TOE1: variants seen among roughly 807,000 people sequenced by gnomAD.
TOE1 encodes the protein target of EGR1 protein 1.
A neutral mutation model predicts 49.2 loss-of-function variants in TOE1; 50 were observed. The observed-to-expected ratio is 1.02, with a 90% confidence interval of 0.81 to 1.29. The LOEUF (loss-of-function observed/expected upper bound fraction) is 1.29, where lower values mean the gene tolerates loss of function less well. TOE1 is among the 50% of genes most tolerant of loss of function. TOE1 has a pLI of 0.00. For synonymous variants in TOE1, 221 were observed against 247.0 expected, an observed-to-expected ratio of 0.89 and a Z score of 0.99; for missense variants, 544 against 654.4, an observed-to-expected ratio of 0.83 and a Z score of 1.84.
intron 4 of TOE1, 47 bp downstream of exon 4, chr1:45,341,616 G>T (rs760787164): frequency 6.5e-7 from 1 of 1,538,384 alleles, no homozygotes; most frequent in East Asian, 2.3e-5. Context: ...GTGGGGTGGA[G>T]GGTAGAGAGA....
Position 45,340,622 on chromosome 1 carries a change from G to A in TOE1, c.52+318G>A, listed in dbSNP as rs552082070. 5.0e-5 allele frequency: 66 copies of A among 1,307,156 alleles called. 1 individual carries two copies. In the African/African-American group the frequency reaches 8.4e-4, roughly 17 times the overall value. The allele number at this position is 1,307,156 out of a possible 1,614,324, so 81.0% of individuals were successfully genotyped here. ...CAAAGGAAGGTAGGACGTATTGGGA[G>A]CTCTGGTGTGGGGCACTGCCAGGCT... On this transcript the variant is annotated intron_variant, in intron 1 of 7. Transcript: ENST00000372090.
intron 4 of TOE1, 122 bp downstream of exon 4, chr1:45,341,691 T>G: frequency 1.0e-6 from 1 of 964,882 alleles, no homozygotes. Flanking sequence ...TGATAGTTTT[T>G]TTTTTTTTAT....
chr1:45,340,422 C>G, intron 1 of TOE1, 118 bp downstream of exon 1: 1 of 1,529,674 alleles, frequency 6.5e-7, no homozygotes, highest in Middle Eastern at 1.8e-4. Flanking sequence ...TCCGCCTGAA[C>G]TAGCCACGAG....
chr1:45,341,827 C>G, intron 4 of TOE1, 122 bp from the exon 5 acceptor site: 1 of 1,089,974 alleles, frequency 9.2e-7, no homozygotes, highest in Non-Finnish European at 1.3e-6. Context: ...TCTTTTATCC[C>G]TCACCTGCCT....
Position 45,343,572 on chromosome 1 carries a change from G to C in TOE1, c.1403G>C (p.Trp468Ser). 6.2e-7 allele frequency: 1 copy of C among 1,614,040 alleles called. No homozygotes were observed. Among genetic ancestry groups the C allele is most frequent in the Non-Finnish European group, 8.5e-7 (1 of 1,180,016 alleles). ...CCGCAGCCCTGCAGCTCTGGACCCT[G>C]GCTCCCTGAATGCCACAATAAGGTA... The part of the protein sequence containing the change: ...QGPQPCSSGP[W>S]LPECHNKVYL... The change falls in exon 8 of 8, where the codon TGG becomes TCG. Residue 468 changes from tryptophan to serine, a missense_variant. Transcript: ENST00000372090. The surrounding 1 kb of genome is among the most constrained non-coding windows in gnomAD (Gnocchi z 4.3).
rs2149248491 is a variant in TOE1, at chr1:45,340,209, TC to T, written c.-42del. On this transcript the variant is annotated 5_prime_UTR_variant, in exon 1 of 8. Transcript: ENST00000372090. ...ACCGCGCCAGGAGACGGACCGCAAG[TC>T]CAGCGTACCCACAGACGACTCAGGC... is the stretch of plus-strand genomic sequence containing the variant. 6.2e-7 allele frequency: 1 copy of T among 1,613,674 alleles called. No individual in the cohort carries two copies. Among genetic ancestry groups the T allele is most frequent in the Non-Finnish European group, 8.5e-7 (1 of 1,179,998 alleles).
At chr1:45,340,690 A>G in intron 1 of TOE1, 1 of 845,614 alleles carries the variant, frequency 1.2e-6, no homozygotes, top group South Asian at 1.9e-5. Context: ...CTGGGGCACC[A>G]TGAGAACAGT....
rs876659248 is a variant in TOE1 at position 45,340,258 on chromosome 1, C to T, written c.6C>T (p.Ala2=). The change falls in exon 1 of 8, where the codon GCC becomes GCT. Residue 2 remains alanine, a synonymous_variant. Transcript: ENST00000372090. The stretch of plus-strand genomic sequence containing the variant: ...GGCGGGAGACGAGCGGTGTCATGGC[C>T]GCCGACAGTGACGATGGCGCAGTTT... M[A]ADSDDGAVSA... is the part of the protein sequence containing the mutation. 6 of 1,613,684 alleles carry T rather than the reference C, an allele frequency of 3.7e-6. No homozygotes were observed. The highest frequency in any genetic ancestry group is 5.1e-6 in the Non-Finnish European group (6 of 1,180,028).
rs1376599577 is a variant in TOE1, at chr1:45,343,112, T to C, written c.943T>C (p.Cys315Arg). The C allele has an allele frequency of 5.0e-6, 8 of 1,613,744 alleles. No individual in the cohort carries two copies. Among genetic ancestry groups the C allele is most frequent in the South Asian group, 1.1e-5 (1 of 91,072 alleles). Reference protein sequence around the residue: ...AYGWCPLGPQCPQSHDIDLII... With the variant: ...AYGWCPLGPQRPQSHDIDLII... ...TGGCTGGTGCCCCCTGGGACCACAG[T>C]GTCCTCAGTCTCACGATATTGACCT... Residue 315 changes from cysteine to arginine, a missense_variant, in exon 8 of 8, where the codon TGT (cysteine) becomes CGT (arginine). Cys to Arg is a radical substitution (Grantham distance 180). Transcript: ENST00000372090. The surrounding 1 kb of genome is among the most constrained non-coding windows in gnomAD (Gnocchi z 4.3).
Position 45,342,617 on chromosome 1 carries a change from C to T in TOE1, c.726C>T (p.Ser242=). 6.2e-7 allele frequency: 1 copy of T among 1,614,064 alleles called. No homozygotes were observed. Among genetic ancestry groups the T allele is most frequent in the Non-Finnish European group, 8.5e-7 (1 of 1,180,020 alleles). Residue 242 remains serine (S), a synonymous_variant, in exon 6 of 8, where the codon TCC becomes TCT. Transcript: ENST00000372090. ...AAEFHARFVA[S]YLEYAFRKCE... ...AGTTTCATGCCCGTTTCGTGGCCTC[C>T]TACTTAGAATATGCCTTCCGGAAAT... is the stretch of plus-strand genomic sequence containing the variant.
In TOE1 at chr1:45,343,742, T is replaced by C. The variant is rs761184379; in HGVS notation, c.*40T>C. 1 of 1,578,648 alleles carries C rather than the reference T, an allele frequency of 6.3e-7. No individual in the cohort carries two copies. The highest frequency in any genetic ancestry group is 1.8e-5 in the Admixed American group (1 of 56,936). ...TGCTCTCAGGTGGAACAGAGGTATT[T>C]TGGGTCTCTCTAGCCTGAAATGTCA... is the stretch of plus-strand genomic sequence containing the variant. On this transcript the variant is annotated 3_prime_UTR_variant, in exon 8 of 8. Coordinates refer to ENST00000372090, the MANE Select transcript of TOE1 (RefSeq NM_025077.4). The surrounding 1 kb of genome is among the most constrained non-coding windows in gnomAD (Gnocchi z 4.3).
chr1:45,340,982 C>T, intron 1 of TOE1, 91 bp from the exon 2 acceptor site: 2 of 1,569,210 alleles, frequency 1.3e-6, no homozygotes, highest in South Asian at 1.1e-5. Flanking sequence ...GAAACTACCC[C>T]CCTTACCACC....
chr1:45,342,862 C>T lies in TOE1; in HGVS notation c.772C>T (p.Gln258Ter), dbSNP rs528350670. ...TTGCAGTGAACGGGAAAATGGGAAG[C>T]AGCGGGCAGCTGGCAGCCCACACCT... is the stretch of plus-strand genomic sequence containing the variant. The part of the protein sequence containing the change: ...FRKCERENGK[Q>*]RAAGSPHLTL... Residue 258 changes from glutamine to a stop codon, truncating the protein, a stop_gained, in exon 7 of 8, where the codon CAG (glutamine) becomes TAG (stop). Transcript: ENST00000372090. LOFTEE classifies it high-confidence loss of function. 1 of 1,614,126 alleles carries T rather than the reference C, an allele frequency of 6.2e-7. No homozygotes were observed. The highest frequency in any genetic ancestry group is 1.1e-5 in the South Asian group (1 of 91,082).
Position 45,340,209 on chromosome 1 carries a change from T to C in TOE1, c.-44T>C, listed in dbSNP as rs201746729. ...ACCGCGCCAGGAGACGGACCGCAAG[T>C]CCAGCGTACCCACAGACGACTCAGG... On this transcript the variant is annotated 5_prime_UTR_variant, in exon 1 of 8. Transcript: ENST00000372090. The C allele has an allele frequency of 2.5e-6, 4 of 1,613,674 alleles. No homozygotes were observed. In the East Asian group the frequency reaches 8.9e-5, roughly 36 times the overall value.
intron 1 of TOE1, chr1:45,340,681 T>C: frequency 1.1e-6 from 1 of 921,558 alleles, no homozygotes; most frequent in Non-Finnish European, 1.5e-6. Flanking sequence ...CTTGTGGCGC[T>C]GGGGCACCAT....
rs745910227 is a variant in TOE1 at position 45,343,650 on chromosome 1, G to T, written c.1481G>T (p.Arg494Leu). The T allele has an allele frequency of 1.2e-6, 2 of 1,613,418 alleles. No individual in the cohort carries two copies. The highest frequency in any genetic ancestry group is 2.7e-5 in the African/African-American group (2 of 74,860). ...ACAGTGGCCAAGAGCCAGTTCTCTC[G>T]TTCCTCCAAAGCCCACAATCAGAAG... ...PLTVAKSQFS[R>L]SSKAHNQKMK... is the part of the protein sequence containing the mutation. Residue 494 changes from arginine to leucine, a missense_variant, in exon 8 of 8, where the codon CGT becomes CTT. By Grantham distance (102) the Arg-to-Leu change is moderately radical. Transcript: ENST00000372090. The surrounding 1 kb of genome is among the most constrained non-coding windows in gnomAD (Gnocchi z 4.3).
Position 45,342,529 on chromosome 1 carries a change from C to A in TOE1, c.638C>A (p.Thr213Asn), listed in dbSNP as rs575022056. 3.2e-5 allele frequency: 51 copies of A among 1,614,154 alleles called. No individual in the cohort carries two copies. In the South Asian group the frequency reaches 5.3e-4, roughly 17 times the overall value. ...GCACACCTCCCTGAGAGTCTGGGAACCTTCACCGCTGACCTGTGTGAGATG... is the reference window on the plus strand; with the variant it reads ...GCACACCTCCCTGAGAGTCTGGGAAACTTCACCGCTGACCTGTGTGAGATG... ...FYAHLPESLGTFTADLCEMFP... is the reference protein window; with the variant it reads ...FYAHLPESLGNFTADLCEMFP... Residue 213 changes from threonine to asparagine, a missense_variant, in exon 6 of 8, where the codon ACC (threonine) becomes AAC (asparagine). Thr to Asn is a moderately conservative substitution (Grantham distance 65). Transcript: ENST00000372090.
At chr1:45,340,571 A>G (rs1177981530) in intron 1 of TOE1, 52 of 1,360,342 alleles carry the variant, frequency 3.8e-5, no homozygotes, top group Non-Finnish European at 4.9e-5. Context: ...GATTCAGTTC[A>G]GTGGAGTGGA....
chr1:45,340,461 GCTCCGGCTGCAAAAGCCTGGAGC>G (rs1426475721), intron 1 of TOE1, 157 bp downstream of exon 1: 11 of 1,475,994 alleles, frequency 7.5e-6, no homozygotes, highest in Non-Finnish European at 8.1e-6. Flanking sequence ...GTACACCGCG[GCTCCGGCTGCAAAAGCCTGGAGC>G]GTTGGGAGCA....
Sources: allele counts gnomAD v4.1 joint callset, GRCh38; gene constraint gnomAD v4.1.1; non-coding constraint Gnocchi (gnomAD v3.1); transcripts MANE v1.5; gene names NCBI Gene and HGNC (gene_info 2026-07-23, HGNC 2026-07-21).